The following SLC71A2 variants were observed in gnomAD, a reference collection of about 807,000 sequenced individuals.
SLC71A2 encodes hippocampus abundant transcript-like 1.
At chr9:94,460,094 A>G in the SLC71A2 span, 4 of 152,500 alleles carry the variant, frequency 2.6e-5, no homozygotes, top group Non-Finnish European at 4.4e-5. Flanking sequence ...AAATCATGTA[A>G]AACTCAACAA....
chr9:94,392,074 C>G, the SLC71A2 span, among the ~76,000 whole-genome samples: 1 of 151,262 alleles, frequency 6.6e-6, no homozygotes, highest in Admixed American at 6.6e-5. Flanking sequence ...GTGAGAAAAT[C>G]TAGAGAGAGG....
chr9:94,397,666 C>G, the SLC71A2 span, among the ~76,000 whole-genome samples: 6 of 152,074 alleles, frequency 3.9e-5, no homozygotes, highest in South Asian at 2.1e-4. Flanking sequence ...TGACAGTTTC[C>G]TAGGCGCTCC....
At chr9:94,444,054 G>A in the SLC71A2 span, among the ~76,000 whole-genome samples, 2 of 152,080 alleles carry the variant, frequency 1.3e-5, no homozygotes, top group Non-Finnish European at 2.9e-5. Flanking sequence ...GGGAGATGAT[G>A]GATGAAAAAG....
the SLC71A2 span, among the ~76,000 whole-genome samples, chr9:94,454,456 C>T: frequency 6.6e-6 from 1 of 152,048 alleles, no homozygotes; most frequent in African/African-American, 2.4e-5. Context: ...CAACCTCTAC[C>T]ACCCGGATTC....
At chr9:94,405,339 C>A in the SLC71A2 span, among the ~76,000 whole-genome samples, 2 of 151,856 alleles carry the variant, frequency 1.3e-5, no homozygotes, top group East Asian at 3.9e-4. Context: ...ACTAAAAATA[C>A]AAAAAATTAG....
the SLC71A2 span, among the ~76,000 whole-genome samples, chr9:94,446,158 A>G: frequency 5.3e-5 from 8 of 152,238 alleles, no homozygotes; most frequent in African/African-American, 1.7e-4. Flanking sequence ...AGTCTCAACA[A>G]CATTAGCTGC....
chr9:94,437,971 C>A, the SLC71A2 span, among the ~76,000 whole-genome samples: 1 of 151,364 alleles, frequency 6.6e-6, no homozygotes, highest in Non-Finnish European at 1.5e-5. Context: ...TCTTGTTGCC[C>A]AGCCTAGAGT....
chr9:94,415,197 AT>A, the SLC71A2 span: 1 of 1,613,868 alleles, frequency 6.2e-7, no homozygotes, highest in Non-Finnish European at 8.5e-7. Flanking sequence ...CCATGCTGCT[AT>A]TGTCATCTTC....
the SLC71A2 span, among the ~76,000 whole-genome samples, chr9:94,435,769 C>T: frequency 6.6e-6 from 1 of 150,590 alleles, no homozygotes; most frequent in African/African-American, 2.4e-5. Flanking sequence ...ATTCTCCTGC[C>T]TTAGCCTCCC....
chr9:94,438,544 C>T, the SLC71A2 span: 1 of 1,605,330 alleles, frequency 6.2e-7, no homozygotes, highest in Non-Finnish European at 8.5e-7. Context: ...TGACTTGGCC[C>T]TTCACCTCCT....
the SLC71A2 span, among the ~76,000 whole-genome samples, chr9:94,455,176 TTTTTTGA>T: frequency 6.0e-4 from 61 of 101,754 alleles, 2 homozygotes; most frequent in South Asian, 1.3e-3. Context: ...TTTTTTTTTT[TTTTTTGA>T]GAGAGAGAGG....
At chr9:94,383,678 A>G in the SLC71A2 span, among the ~76,000 whole-genome samples, 6 of 152,280 alleles carry the variant, frequency 3.9e-5, no homozygotes, top group East Asian at 3.9e-4. Flanking sequence ...TAGCCTGGCA[A>G]TTTCCACAAG....
At chr9:94,417,849 TCCCACCCCACCCCCC>T in the SLC71A2 span, among the ~76,000 whole-genome samples, 14 of 51,628 alleles carry the variant, frequency 2.7e-4, 1 homozygote, top group East Asian at 1.9e-3. Context: ...ATAGGCAAGT[TCCCACCCCACCCCCC>T]CCCCCCCCCC....
the SLC71A2 span, among the ~76,000 whole-genome samples, chr9:94,408,320 T>C: frequency 4.6e-5 from 7 of 152,178 alleles, no homozygotes; most frequent in African/African-American, 1.7e-4. Flanking sequence ...CCTTTGTAAG[T>C]CGAGGAACAG....
At chr9:94,452,234 GA>G in the SLC71A2 span, among the ~76,000 whole-genome samples, 2 of 152,154 alleles carry the variant, frequency 1.3e-5, no homozygotes, top group African/African-American at 2.4e-5. Context: ...AAGCAGAAAT[GA>G]AAATCTGTAA....
At chr9:94,444,982 G>T in the SLC71A2 span, 2 of 1,614,024 alleles carry the variant, frequency 1.2e-6, no homozygotes, top group Admixed American at 1.7e-5. Context: ...CACCTTTGCG[G>T]CTAGTCTTGT....
At chr9:94,407,676 C>T in the SLC71A2 span, among the ~76,000 whole-genome samples, 1 of 152,040 alleles carries the variant, frequency 6.6e-6, no homozygotes, top group African/African-American at 2.4e-5. Context: ...TGTGCCTGGC[C>T]CTATAGTTTT....
At chr9:94,454,980 C>G in the SLC71A2 span, among the ~76,000 whole-genome samples, 1 of 152,122 alleles carries the variant, frequency 6.6e-6, no homozygotes, top group African/African-American at 2.4e-5. Context: ...GCCTGGTGGG[C>G]AGATGCAGAA....
At chr9:94,437,601 GTTTTC>G in the SLC71A2 span, among the ~76,000 whole-genome samples, 1 of 152,050 alleles carries the variant, frequency 6.6e-6, no homozygotes, top group Non-Finnish European at 1.5e-5. Flanking sequence ...AAAGAATCTA[GTTTTC>G]TTTTGATCAT....
Sources: gnomAD v4.1 joint callset for allele counts (sites outside exome capture counted in the v4.1 genomes callset) on GRCh38, gnomAD v4.1.1 for gene constraint, MANE v1.5 for transcripts, NCBI Gene and HGNC (gene_info 2026-07-23, HGNC 2026-07-21) for gene names.